The following KCNQ1 variants were observed in gnomAD, a reference collection of about 807,000 sequenced individuals.
KCNQ1 encodes the protein potassium voltage-gated channel subfamily KQT member 1.
Under a neutral mutation model 72.4 loss-of-function variants are expected in KCNQ1, and 49 were observed. The observed-to-expected ratio is 0.68, with a 90% confidence interval of 0.54 to 0.86. The LOEUF (loss-of-function observed/expected upper bound fraction) is 0.86. KCNQ1 is among the 40% of genes least tolerant of loss of function. The pLI is 0.00. For missense variants in KCNQ1, 790 were observed against 945.1 expected (o/e 0.84, Z 2.15); for synonymous variants, 450 against 412.6 (o/e 1.09, Z -1.10).
intron 11 of KCNQ1, among the ~76,000 whole-genome samples, chr11:2,753,685 G>A (rs1394949794): frequency 6.6e-6 from 1 of 152,176 alleles, no homozygotes; most frequent in African/African-American, 2.4e-5. Context: ...TTGCATCCCA[G>A]GTACAAAGCC....
Position 2,651,958 on chromosome 11 carries a change from G to C in KCNQ1, c.1394-10003G>C. The C allele has an allele frequency of 2.5e-6, 1 of 398,706 alleles. No individual in the cohort carries two copies. Among genetic ancestry groups the C allele is most frequent in the Non-Finnish European group, 4.4e-6 (1 of 226,142 alleles). The allele number at this position is 398,706 out of a possible 1,614,324, so 24.7% of individuals were successfully genotyped here. On this transcript the variant is annotated intron_variant, in intron 10 of 15. Coordinates refer to ENST00000155840, the MANE Select transcript of KCNQ1 (RefSeq NM_000218.3). This position sits in a 1 kb window ranked among gnomAD's most constrained non-coding sequence, Gnocchi z 6.1. ...AGCCCTCCTGCAGCCAGCAGCAGTG[G>C]GGGAGCCAAGCTGAGTTGATTACTT...
chr11:2,706,983 G>A (rs901420377), intron 11 of KCNQ1, among the ~76,000 whole-genome samples: 5 of 152,140 alleles, frequency 3.3e-5, no homozygotes, highest in African/African-American at 7.2e-5. Flanking sequence ...GAAATGTAAC[G>A]GGTGACCTTT....
At chr11:2,452,668 G>A (rs536717039) in intron 1 of KCNQ1, among the ~76,000 whole-genome samples, 2 of 152,362 alleles carry the variant, frequency 1.3e-5, no homozygotes, top group East Asian at 3.9e-4. Flanking sequence ...GAAGAGTCAC[G>A]TCTGTGCTCT....
rs1029541132 is a variant in KCNQ1, at chr11:2,725,606, C to T, written c.1515-43238C>T. Among the ~76,000 whole-genome samples the T allele has an allele frequency of 1.3e-5, 2 of 152,334 alleles. No individual in the cohort carries two copies. Among genetic ancestry groups the T allele is most frequent in the Admixed American group, 6.5e-5 (1 of 15,306 alleles). ...AACCCAAGTCAGACTTGCCCTCGCCCCCTTCCCGAACGTACCCTTTCCATG... is the reference window on the plus strand; with the variant it reads ...AACCCAAGTCAGACTTGCCCTCGCCTCCTTCCCGAACGTACCCTTTCCATG... On this transcript the variant is annotated intron_variant, in intron 11 of 15. Transcript: ENST00000155840. This position sits in a 1 kb window ranked among gnomAD's most constrained non-coding sequence, Gnocchi z 7.2.
At chr11:2,553,153 GT>G (rs1379059079) in intron 2 of KCNQ1, among the ~76,000 whole-genome samples, 4 of 122,632 alleles carry the variant, frequency 3.3e-5, no homozygotes, top group Non-Finnish European at 6.4e-5. Flanking sequence ...TGTTTTTGGG[GT>G]TTTTTTTGTT....
At chr11:2,694,385 G>A (rs183176718) in intron 11 of KCNQ1, 1 of 398,650 alleles carries the variant, frequency 2.5e-6, no homozygotes, top group African/African-American at 2.1e-5. Context: ...TCATGACTAT[G>A]GGAGAATTAC....
At chr11:2,837,422 C>T (rs559171331) in intron 15 of KCNQ1, among the ~76,000 whole-genome samples, 50 of 152,306 alleles carry the variant, frequency 3.3e-4, no homozygotes, top group Non-Finnish European at 5.4e-4. Context: ...CAGACACGCC[C>T]GGGCCTGAGC....
Position 2,498,923 on chromosome 11 carries a change from G to A in KCNQ1, c.387-29005G>A, listed in dbSNP as rs1376867388. Among the ~76,000 whole-genome samples the A allele has an allele frequency of 6.6e-6, 1 of 152,176 alleles. No individual in the cohort carries two copies. Among genetic ancestry groups the A allele is most frequent in the African/African-American group, 2.4e-5 (1 of 41,442 alleles). ...GGTATCACAGATGACGGGTTGATGGGTGCAGCAACTGCATGCAAACTGCAT... is the reference window on the plus strand; with the variant it reads ...GGTATCACAGATGACGGGTTGATGGATGCAGCAACTGCATGCAAACTGCAT... On this transcript the variant is annotated intron_variant, in intron 1 of 15. Transcript: ENST00000155840. The surrounding 1 kb of genome is among the most constrained non-coding windows in gnomAD (Gnocchi z 4.8).
intron 15 of KCNQ1, among the ~76,000 whole-genome samples, chr11:2,845,393 G>A (rs1848305519): frequency 6.6e-6 from 1 of 152,224 alleles, no homozygotes; most frequent in Non-Finnish European, 1.5e-5. Flanking sequence ...CTGCATCTGT[G>A]GGATGGAGTG....
In KCNQ1 at chr11:2,687,478, T is replaced by C. The variant is rs1850510137; in HGVS notation, c.1514+25397T>C. On this transcript the variant is annotated intron_variant, in intron 11 of 15. Transcript: ENST00000155840. This position sits in a 1 kb window ranked among gnomAD's most constrained non-coding sequence, Gnocchi z 5.0. Reference sequence around the variant, plus strand: ...CACAAGAGCTGCTGCAGCATTTCAATAGGGCCATCCCAGGCACCCTAGGAC... The same window carrying C: ...CACAAGAGCTGCTGCAGCATTTCAACAGGGCCATCCCAGGCACCCTAGGAC... 2 of 398,756 alleles carry C rather than the reference T, an allele frequency of 5.0e-6. No individual in the cohort carries two copies. Among genetic ancestry groups the C allele is most frequent in the Middle Eastern group, 6.3e-4 (1 of 1,592 alleles). The allele number at this position is 398,756 out of a possible 1,614,324, so 24.7% of individuals were successfully genotyped here. A position where few individuals can be genotyped will look rare whatever the true frequency, so the allele number is the denominator to read the frequency against.
Position 2,648,987 on chromosome 11 carries a change from T to TC in KCNQ1, c.1394-12974_1394-12973insC, listed in dbSNP as rs202108554. 400 of 269,952 alleles carry TC rather than the reference T, an allele frequency of 1.5e-3. 1 individual carries two copies. The highest frequency in any genetic ancestry group is 3.8e-3 in the African/African-American group (167 of 43,956). The allele number at this position is 269,952 out of a possible 1,614,324, so 16.7% of individuals were successfully genotyped here. On this transcript the variant is annotated intron_variant, in intron 10 of 15. Coordinates refer to ENST00000155840, the MANE Select transcript of KCNQ1 (RefSeq NM_000218.3). ...TTGTCTCTTTTTTCTTTTTCTTTTTTTTTTTTTTTTTTTTTTTGACTCAGT... is the reference window on the plus strand; with the variant it reads ...TTGTCTCTTTTTTCTTTTTCTTTTTTCTTTTTTTTTTTTTTTTTGACTCAGT...
chr11:2,741,645 T>TC (rs1281581362), intron 11 of KCNQ1, among the ~76,000 whole-genome samples: 4 of 152,140 alleles, frequency 2.6e-5, no homozygotes, highest in Non-Finnish European at 5.9e-5. Flanking sequence ...GATAGAACAT[T>TC]CCAGAGCATT....
At chr11:2,532,825 T>C (rs1847663391) in intron 2 of KCNQ1, among the ~76,000 whole-genome samples, 1 of 152,060 alleles carries the variant, frequency 6.6e-6, no homozygotes, top group Non-Finnish European at 1.5e-5. Context: ...GGACGGCTGT[T>C]GGGTTCTTGA....
chr11:2,795,988 C>T (rs1040173726), intron 15 of KCNQ1, among the ~76,000 whole-genome samples: 13 of 151,926 alleles, frequency 8.6e-5, no homozygotes, highest in Admixed American at 7.2e-4. Flanking sequence ...ACAGGGACAC[C>T]CTTTGTGTTT....
intron 1 of KCNQ1, among the ~76,000 whole-genome samples, chr11:2,504,811 G>A (rs1847076897): frequency 1.3e-5 from 2 of 152,110 alleles, no homozygotes; most frequent in Admixed American, 1.3e-4. Flanking sequence ...AGGGGTAAAT[G>A]TTTGAGGTAG....
rs1354737225 is a variant in KCNQ1, at chr11:2,673,153, C to T, written c.1514+11072C>T. The T allele has an allele frequency of 5.0e-6, 2 of 398,616 alleles. No individual in the cohort carries two copies. Among genetic ancestry groups the T allele is most frequent in the Non-Finnish European group, 8.8e-6 (2 of 226,144 alleles). 24.7% of individuals were successfully genotyped at this position (398,616 alleles called of 1,614,324 possible). A position where few individuals can be genotyped will look rare whatever the true frequency, so the allele number is the denominator to read the frequency against. ...GCAGGGGTGCTGACCATCCCTGACC[C>T]AAGCACGAGGATCAGAATGGGCCCT... On this transcript the variant is annotated intron_variant, in intron 11 of 15. Coordinates refer to ENST00000155840, the MANE Select transcript of KCNQ1 (RefSeq NM_000218.3). The surrounding 1 kb of genome is among the most constrained non-coding windows in gnomAD (Gnocchi z 4.5).
chr11:2,687,143 A>G lies in KCNQ1; in HGVS notation c.1514+25062A>G. The G allele has an allele frequency of 2.5e-6, 1 of 398,648 alleles. No homozygotes were observed. The highest frequency in any genetic ancestry group is 3.6e-5 in the East Asian group (1 of 28,054). The allele number at this position is 398,648 out of a possible 1,614,324, so 24.7% of individuals were successfully genotyped here. A position where few individuals can be genotyped will look rare whatever the true frequency, so the allele number is the denominator to read the frequency against. On this transcript the variant is annotated intron_variant, in intron 11 of 15. Transcript: ENST00000155840. The surrounding 1 kb of genome is among the most constrained non-coding windows in gnomAD (Gnocchi z 5.0). ...ACTGCACAGGGAGGGGAGGAATCTG[A>G]GCCAGCTTCCTCCACAAAGCACAGA...
chr11:2,800,669 A>G (rs1847244474), intron 15 of KCNQ1, among the ~76,000 whole-genome samples: 1 of 152,214 alleles, frequency 6.6e-6, no homozygotes, highest in Non-Finnish European at 1.5e-5. Flanking sequence ...TCCAACGCCC[A>G]GCTTATCATT....
At position 2,826,607 on chromosome 11, in the gene KCNQ1, G is replaced by A. The variant is rs1009002243; in HGVS notation, c.1795-21160G>A. ...CCACAGGGTAGAAATGCCCTGGATT[G>A]GCTGTGGCACAAGAGGGCTGGCCCA... On this transcript the variant is annotated intron_variant, in intron 15 of 15. Coordinates refer to ENST00000155840, the MANE Select transcript of KCNQ1 (RefSeq NM_000218.3). This position sits in a 1 kb window ranked among gnomAD's most constrained non-coding sequence, Gnocchi z 4.2. Among the ~76,000 whole-genome samples the A allele has an allele frequency of 6.6e-6, 1 of 152,222 alleles. No homozygotes were observed. The highest frequency in any genetic ancestry group is 1.9e-4 in the East Asian group (1 of 5,196).
Sources: gnomAD v4.1 joint callset for allele counts (sites outside exome capture counted in the v4.1 genomes callset) on GRCh38, gnomAD v4.1.1 for gene constraint, Gnocchi (gnomAD v3.1) non-coding constraint, MANE v1.5 for transcripts, NCBI Gene and HGNC (gene_info 2026-07-23, HGNC 2026-07-21) for gene names.